The following CHD4 variants were observed in gnomAD, a reference collection of about 807,000 sequenced individuals.
CHD4 encodes the protein chromodomain helicase DNA binding protein 4, also known as ATP-dependent chromatin remodeler CHD4.
CHD4 carries 35 observed loss-of-function variants against 235.5 expected under a neutral mutation model. That is an observed-to-expected ratio of 0.15 (90% CI 0.11 to 0.20). The LOEUF is 0.20. Among genes scored for constraint, CHD4 ranks in the 10% least tolerant of loss-of-function variants. The pLI is 1.00. For synonymous variants in CHD4, 900 were observed against 850.2 expected, an observed-to-expected ratio of 1.06 and a Z score of -1.02; for missense variants, 1,329 against 2,432.3, an observed-to-expected ratio of 0.55 and a Z score of 9.54.
chr12:6,602,700 G>A (rs1330982019), intron 2 of CHD4, among the ~76,000 whole-genome samples: 1 of 152,196 alleles, frequency 6.6e-6, no homozygotes, highest in Non-Finnish European at 1.5e-5. Context: ...AAATAGGCCT[G>A]CCAGGCCAGA....
At chr12:6,604,851 G>C (rs916030488) in intron 2 of CHD4, among the ~76,000 whole-genome samples, 2 of 152,138 alleles carry the variant, frequency 1.3e-5, no homozygotes, top group Admixed American at 1.3e-4. Flanking sequence ...ATGAAAGGCA[G>C]CCCCAGCCCA....
Position 6,581,097 on chromosome 12 carries a change from T to C in CHD4, c.4856A>G (p.Glu1619Gly). ...VEPPEGEEKV[E>G]KAEVKERTEE... is the part of the protein sequence containing the mutation. The stretch of plus-strand genomic sequence containing the variant: ...TGTTCTCTCCTTCACCTCTGCCTTT[T>C]CCACTTTCTCCTCTCCCTCAGGGGG... Residue 1619 changes from glutamate to glycine, a missense_variant, in exon 33 of 40, where the codon GAA (glutamate) becomes GGA (glycine). Physicochemically the swap from Glu to Gly is moderately conservative, Grantham distance 98. Transcript: ENST00000544040. 6.2e-7 allele frequency: 1 copy of C among 1,614,170 alleles called. No homozygotes were observed. The highest frequency in any genetic ancestry group is 8.5e-7 in the Non-Finnish European group (1 of 1,180,018).
intron 37 of CHD4, among the ~76,000 whole-genome samples, chr12:6,575,584 C>A (rs575489537): frequency 6.6e-6 from 1 of 151,960 alleles, no homozygotes; most frequent in African/African-American, 2.4e-5. Context: ...TTACCCTTTT[C>A]ATTTTCCACA....
chr12:6,592,107 A>C, intron 19 of CHD4, 50 bp from the exon 20 acceptor site: 1 of 1,607,136 alleles, frequency 6.2e-7, no homozygotes. Flanking sequence ...CCTTTCAATG[A>C]CTAATAATGC....
intron 37 of CHD4, among the ~76,000 whole-genome samples, chr12:6,573,989 C>G (rs1171913575): frequency 6.6e-6 from 1 of 152,032 alleles, no homozygotes; most frequent in Non-Finnish European, 1.5e-5. Context: ...CGCCACTACA[C>G]TCCAGCCTGA....
chr12:6,603,665 C>T (rs553858621), intron 2 of CHD4, among the ~76,000 whole-genome samples: 1 of 152,174 alleles, frequency 6.6e-6, no homozygotes, highest in Admixed American at 6.5e-5. Flanking sequence ...AAGAGCCCAC[C>T]CTAACATCCT....
Position 6,570,540 on chromosome 12 carries a change from TG to T in CHD4, c.*135del. 5 of 1,066,610 alleles carry T rather than the reference TG, an allele frequency of 4.7e-6. No homozygotes were observed. The highest frequency in any genetic ancestry group is 4.2e-5 in the Admixed American group (2 of 47,898). 66.1% of individuals were successfully genotyped at this position (1,066,610 alleles called of 1,614,324 possible). On this transcript the variant is annotated 3_prime_UTR_variant, in exon 40 of 40. Coordinates refer to ENST00000544040, the MANE Select transcript of CHD4 (RefSeq NM_001273.5). Reference sequence around the variant, plus strand: ...CACTCCCTCCCCTCCCCCAGTGCACTGGGGCTGTTCCTTTACAACATGGAAG... The same window carrying T: ...CACTCCCTCCCCTCCCCCAGTGCACTGGGCTGTTCCTTTACAACATGGAAG...
At chr12:6,571,899 T>G (rs943773425) in intron 38 of CHD4, 2 of 152,076 alleles carry the variant, frequency 1.3e-5, no homozygotes, top group Non-Finnish European at 2.9e-5. Flanking sequence ...AGGCGGAGAT[T>G]GTGGTGAACT....
intron 25 of CHD4, 117 bp downstream of exon 25, chr12:6,587,267 C>T: frequency 1.0e-6 from 1 of 965,060 alleles, no homozygotes; most frequent in Non-Finnish European, 1.6e-6. Context: ...AGGATCAATT[C>T]ATCAACATAA....
chr12:6,591,303 T>C, intron 22 of CHD4, 163 bp downstream of exon 22: 1 of 600,534 alleles, frequency 1.7e-6, no homozygotes, highest in Non-Finnish European at 2.9e-6. Context: ...CTCCTAGGAA[T>C]AGTCCAATAC....
chr12:6,591,122 CAAAAAAAAAAAAAAAAA>C (rs35011913), intron 22 of CHD4: 18 of 25,590 alleles, frequency 7.0e-4, no homozygotes, highest in Admixed American at 2.7e-3. Context: ...GACTCCATCT[CAAAAAAAAAAAAAAAAA>C]AAAAAAAAAA....
chr12:6,606,162 T>A (rs1267769939), intron 2 of CHD4, 112 bp downstream of exon 2: 1 of 713,904 alleles, frequency 1.4e-6, no homozygotes, highest in Admixed American at 3.0e-5. Context: ...ACCCTCCACC[T>A]CCGGCTCTGC....
rs376945891 is a variant in CHD4 at position 6,591,599 on chromosome 12, G to T, written c.3223-16C>A. ...TCTTGGTCATCTGCAAAAGAAGCAC[G>T]GTTTAATTATGGAAGAGTCAGATGG... On this transcript the variant is annotated splice_polypyrimidine_tract_variant and intron_variant, in intron 21 of 39. Transcript: ENST00000544040. 4.3e-6 allele frequency: 7 copies of T among 1,613,584 alleles called. No individual in the cohort carries two copies. The East Asian group carries it at 1.6e-4, about 36-fold the overall frequency.
At chr12:6,604,273 C>T (rs1948651440) in intron 2 of CHD4, among the ~76,000 whole-genome samples, 1 of 152,050 alleles carries the variant, frequency 6.6e-6, no homozygotes, top group Non-Finnish European at 1.5e-5. Flanking sequence ...GACCCCATCT[C>T]AAAAATAAAA....
rs71584865 is a variant in CHD4, at chr12:6,601,978, A to ATCC, written c.417_419dup (p.Glu139dup). The ATCC allele has an allele frequency of 4.2e-5, 63 of 1,506,618 alleles. 1 individual carries two copies. The East Asian group carries it at 4.2e-4, about 10-fold the overall frequency. The allele number at this position is 1,506,618 out of a possible 1,614,324, so 93.3% of individuals were successfully genotyped here. ...CAGGCACCTTTGAATCATCATCATC[A>ATCC]TCCTCCTCCTCCTCCTCCTCCTTCC... is the stretch of plus-strand genomic sequence containing the variant. On this transcript the variant is annotated inframe_insertion, in exon 4 of 40. Coordinates refer to ENST00000544040, the MANE Select transcript of CHD4 (RefSeq NM_001273.5).
chr12:6,575,065 C>T (rs1948044785), intron 37 of CHD4, among the ~76,000 whole-genome samples: 1 of 151,696 alleles, frequency 6.6e-6, no homozygotes, highest in African/African-American at 2.4e-5. Flanking sequence ...TTTATGTATC[C>T]CCTGTGGCTG....
intron 7 of CHD4, 36 bp downstream of exon 7, chr12:6,600,890 T>C (rs778888126): frequency 2.1e-5 from 33 of 1,540,918 alleles, no homozygotes; most frequent in African/African-American, 9.7e-5. Flanking sequence ...CTATTAGACA[T>C]GGCACCCTCC....
At chr12:6,596,254 C>G in intron 12 of CHD4, 117 bp from the exon 13 acceptor site, 11 of 1,324,396 alleles carry the variant, frequency 8.3e-6, no homozygotes, top group Non-Finnish European at 1.1e-5. Flanking sequence ...CCACAGATCA[C>G]ACGTTTTCAG....
intron 23 of CHD4, 42 bp downstream of exon 23, chr12:6,588,256 A>T (rs761571811): frequency 6.2e-7 from 1 of 1,603,334 alleles, no homozygotes; most frequent in Non-Finnish European, 8.5e-7. Flanking sequence ...CCTTTCTAGC[A>T]TAACATGTTA....
Sources: allele counts gnomAD v4.1 joint callset (sites outside exome capture counted in the v4.1 genomes callset), GRCh38; gene constraint gnomAD v4.1.1; transcripts MANE v1.5; gene names NCBI Gene and HGNC (gene_info 2026-07-23, HGNC 2026-07-21).